The following DPYD variants were observed in gnomAD, a reference collection of about 807,000 sequenced individuals.
DPYD encodes dihydropyrimidine dehydrogenase.
A neutral mutation model predicts 116.2 loss-of-function variants in DPYD; 109 were observed. The observed-to-expected ratio is 0.94, with a 90% CI of 0.80 to 1.10. The LOEUF (loss-of-function observed/expected upper bound fraction) is 1.10. Ranked by LOEUF, DPYD falls within the 50% of genes least tolerant of loss-of-function variation. DPYD has a pLI of 0.00. For missense variants in DPYD, 1,302 were observed against 1,254.5 expected (o/e 1.04, Z -0.57); for synonymous variants, 440 against 432.0 (o/e 1.02, Z -0.23).
chr1:97,573,649 G>T, intron 11 of DPYD, 111 bp downstream of exon 11: 1 of 1,349,806 alleles, frequency 7.4e-7, no homozygotes, highest in Non-Finnish European at 1.0e-6. Context: ...TTCTTAACTA[G>T]AAGAGGAAAA....
chr1:97,603,512 T>C (rs111552923), intron 8 of DPYD, among the ~76,000 whole-genome samples: 17 of 152,172 alleles, frequency 1.1e-4, no homozygotes, highest in African/African-American at 3.6e-4. Context: ...ACATACTCTA[T>C]TGAACTGCAC....
chr1:97,478,808 T>C (rs530885043), intron 13 of DPYD, among the ~76,000 whole-genome samples: 10 of 152,358 alleles, frequency 6.6e-5, no homozygotes, highest in African/African-American at 2.2e-4. Flanking sequence ...CTAATGTAGT[T>C]ACCTTCATCA....
chr1:97,781,194 C>T (rs1483780147), intron 3 of DPYD, among the ~76,000 whole-genome samples: 1 of 152,134 alleles, frequency 6.6e-6, no homozygotes. Flanking sequence ...TATGTGATTA[C>T]TATAAATGTT....
At chr1:97,830,035 G>T (rs1388365951) in intron 2 of DPYD, among the ~76,000 whole-genome samples, 2 of 152,064 alleles carry the variant, frequency 1.3e-5, no homozygotes, top group Admixed American at 6.6e-5. Context: ...TGCTGAGAAT[G>T]ATGGTTTCCA....
At chr1:97,284,603 A>G (rs1457843540) in intron 18 of DPYD, among the ~76,000 whole-genome samples, 1 of 152,124 alleles carries the variant, frequency 6.6e-6, no homozygotes, top group East Asian at 1.9e-4. Flanking sequence ...TTTTTAAAGC[A>G]TCAAATAAAA....
chr1:97,504,074 T>C (rs886632804), intron 13 of DPYD, among the ~76,000 whole-genome samples: 3 of 151,908 alleles, frequency 2.0e-5, no homozygotes, highest in Non-Finnish European at 4.4e-5. Flanking sequence ...AACAAAAAGT[T>C]AGGGATGGAT....
At chr1:97,089,246 G>A in intron 21 of DPYD, among the ~76,000 whole-genome samples, 1 of 152,152 alleles carries the variant, frequency 6.6e-6, no homozygotes, top group East Asian at 1.9e-4. Context: ...AAGAGAATGA[G>A]AATTCATTCT....
intron 13 of DPYD, among the ~76,000 whole-genome samples, chr1:97,482,768 C>A (rs1212404945): frequency 6.6e-6 from 1 of 152,086 alleles, no homozygotes; most frequent in Admixed American, 6.6e-5. Flanking sequence ...CCCCACCTCA[C>A]CCCACCTCTG....
intron 16 of DPYD, among the ~76,000 whole-genome samples, chr1:97,366,013 C>T (rs1054615793): frequency 7.2e-5 from 11 of 152,142 alleles, no homozygotes; most frequent in Non-Finnish European, 1.3e-4. Flanking sequence ...ACTGATAATT[C>T]AGTTAGATTT....
intron 8 of DPYD, among the ~76,000 whole-genome samples, chr1:97,656,894 C>T (rs1658940137): frequency 6.8e-6 from 1 of 147,572 alleles, no homozygotes. Context: ...TATAAATGGT[C>T]AATATTCCAA....
intron 13 of DPYD, among the ~76,000 whole-genome samples, chr1:97,460,533 G>C (rs1485178788): frequency 6.6e-6 from 1 of 152,174 alleles, no homozygotes; most frequent in Admixed American, 6.5e-5. Context: ...GATATGCTGA[G>C]TACTTTGAAC....
At chr1:97,915,297 A>C (rs946723409) in intron 1 of DPYD, among the ~76,000 whole-genome samples, 1 of 152,146 alleles carries the variant, frequency 6.6e-6, no homozygotes, top group African/African-American at 2.4e-5. Context: ...TGATTTGGGG[A>C]GATACAAAAT....
chr1:97,436,103 A>T (rs980779360), intron 14 of DPYD, among the ~76,000 whole-genome samples: 3 of 151,982 alleles, frequency 2.0e-5, no homozygotes, highest in Admixed American at 2.0e-4. Flanking sequence ...GGAGGAAAAC[A>T]ATTGTTACAG....
At chr1:97,906,425 T>C (rs1401720833) in intron 1 of DPYD, among the ~76,000 whole-genome samples, 1 of 152,086 alleles carries the variant, frequency 6.6e-6, no homozygotes, top group Non-Finnish European at 1.5e-5. Flanking sequence ...TCATCTTCTG[T>C]TCTGTATCAA....
At chr1:97,349,181 G>A (rs1279753432) in intron 16 of DPYD, among the ~76,000 whole-genome samples, 1 of 151,930 alleles carries the variant, frequency 6.6e-6, no homozygotes, top group Non-Finnish European at 1.5e-5. Context: ...AGTTGTTTGA[G>A]GATTAAATAA....
intron 1 of DPYD, among the ~76,000 whole-genome samples, chr1:97,917,782 C>T (rs1674290940): frequency 6.6e-6 from 1 of 152,186 alleles, no homozygotes. Context: ...CTTGCTGCAG[C>T]TGCATACATT....
chr1:97,567,570 C>T (rs1570973282), intron 11 of DPYD, among the ~76,000 whole-genome samples: 2 of 152,250 alleles, frequency 1.3e-5, no homozygotes, highest in South Asian at 4.1e-4. Context: ...CTTGTCTCCG[C>T]TCTACTGAGC....
chr1:97,130,430 T>C (rs1306237324), intron 20 of DPYD, among the ~76,000 whole-genome samples: 1 of 152,200 alleles, frequency 6.6e-6, no homozygotes, highest in African/African-American at 2.4e-5. Flanking sequence ...CTGTAGGTCC[T>C]GTGGTCTGCA....
chr1:97,284,424 T>A (rs1273712614), intron 18 of DPYD, among the ~76,000 whole-genome samples: 1 of 152,106 alleles, frequency 6.6e-6, no homozygotes, highest in South Asian at 2.1e-4. Flanking sequence ...AGAATTAAGC[T>A]TTTTCATATT....
Sources: allele counts gnomAD v4.1 joint callset (sites outside exome capture counted in the v4.1 genomes callset), GRCh38; gene constraint gnomAD v4.1.1; transcripts MANE v1.5; gene names NCBI Gene and HGNC (gene_info 2026-07-23, HGNC 2026-07-21).